The following CCDC191 variants were observed in gnomAD, a reference collection of about 807,000 sequenced individuals.
The protein encoded by CCDC191 is coiled-coil domain-containing protein 191.
A neutral mutation model predicts 114.0 loss-of-function variants in CCDC191; 99 were observed. That is an observed-to-expected ratio of 0.87 (90% confidence interval 0.74 to 1.03). The LOEUF (loss-of-function observed/expected upper bound fraction) is 1.03, where lower values mean the gene tolerates loss of function less well. Among genes scored for constraint, CCDC191 ranks in the 50% least tolerant of loss-of-function variants. The pLI is 0.00. For missense variants in CCDC191, 973 were observed against 1,087.0 expected (o/e 0.90, Z 1.47); for synonymous variants, 351 against 376.0 (o/e 0.93, Z 0.77).
At chr3:114,021,136 A>C (rs943592973) in intron 7 of CCDC191, among the ~76,000 whole-genome samples, 2 of 152,098 alleles carry the variant, frequency 1.3e-5, no homozygotes, top group Admixed American at 6.6e-5. Flanking sequence ...AGAAAGGCAC[A>C]TTTTTTGCTG....
At chr3:114,000,846 G>A (rs2075842440) in intron 13 of CCDC191, among the ~76,000 whole-genome samples, 1 of 151,488 alleles carries the variant, frequency 6.6e-6, no homozygotes. Flanking sequence ...TCGAGGCAGG[G>A]TCTTAACATC....
At chr3:113,976,293 C>CAA (rs1242916401) in intron 16 of CCDC191, among the ~76,000 whole-genome samples, 1 of 150,512 alleles carries the variant, frequency 6.6e-6, no homozygotes, top group Non-Finnish European at 1.5e-5. Flanking sequence ...AACACAAAAA[C>CAA]AAACAAAAAA....
At chr3:114,040,207 T>C (rs2076542114) in intron 4 of CCDC191, among the ~76,000 whole-genome samples, 1 of 152,228 alleles carries the variant, frequency 6.6e-6, no homozygotes, top group African/African-American at 2.4e-5. Context: ...CTAGGAGCAA[T>C]AGCCTATCTC....
chr3:114,004,178 C>T (rs2075904222), intron 11 of CCDC191: 1 of 963,236 alleles, frequency 1.0e-6, no homozygotes, highest in Non-Finnish European at 1.2e-6. Flanking sequence ...GGTTTTATTA[C>T]TAAAATCCTA....
chr3:114,024,953 C>G (rs973899856), intron 7 of CCDC191, among the ~76,000 whole-genome samples: 1 of 152,102 alleles, frequency 6.6e-6, no homozygotes, highest in Non-Finnish European at 1.5e-5. Context: ...CAATCCTATT[C>G]CTGATTTTCA....
chr3:114,015,174 G>A (rs749077924), intron 8 of CCDC191, among the ~76,000 whole-genome samples: 46 of 152,116 alleles, frequency 3.0e-4, no homozygotes, highest in Non-Finnish European at 5.4e-4. Flanking sequence ...AATGTCCCGG[G>A]AGGGATAACA....
rs769208091 is a variant in CCDC191, at chr3:114,035,123, TC to T, written c.619del (p.Glu207ArgfsTer9). ...KQVKENRLRR[E>X]KELEYQRIEK... ...TATTCTCTGGTACTCCAGTTCTTTC[TC>T]ACGTCTTAAGCGATTTTCTTTTACC... On this transcript the variant is annotated frameshift_variant, in exon 6 of 17. Coordinates refer to ENST00000295878, the MANE Select transcript of CCDC191 (RefSeq NM_020817.2). LOFTEE classifies it high-confidence loss of function. 6.2e-7 allele frequency: 1 copy of T among 1,613,916 alleles called. No homozygotes were observed. Among genetic ancestry groups the T allele is most frequent in the African/African-American group, 1.3e-5 (1 of 74,996 alleles).
At chr3:113,965,523 AAAAT>A (rs1351787930) in intron 16 of CCDC191, 164 bp from the exon 17 acceptor site, 31 of 409,896 alleles carry the variant, frequency 7.6e-5, no homozygotes, top group Non-Finnish European at 1.3e-4. Context: ...TGCTGTGAAA[AAAAT>A]AAGGCAACAA....
intron 6 of CCDC191, among the ~76,000 whole-genome samples, chr3:114,033,669 T>C (rs1248407953): frequency 6.6e-6 from 1 of 152,244 alleles, no homozygotes; most frequent in Non-Finnish European, 1.5e-5. Context: ...TAAACGTTAC[T>C]TGTTTTCACA....
chr3:113,972,351 G>A (rs1257604504), intron 16 of CCDC191, among the ~76,000 whole-genome samples: 1 of 151,994 alleles, frequency 6.6e-6, no homozygotes, highest in Non-Finnish European at 1.5e-5. Flanking sequence ...TTGTTCAGGA[G>A]CATGTTGTTT....
chr3:114,045,488 C>T (rs1312742000), intron 3 of CCDC191, among the ~76,000 whole-genome samples: 1 of 152,194 alleles, frequency 6.6e-6, no homozygotes, highest in Non-Finnish European at 1.5e-5. Flanking sequence ...TCTCCTGCTT[C>T]AGCCTCCCAA....
chr3:113,982,815 T>G (rs2075207606), intron 13 of CCDC191, among the ~76,000 whole-genome samples: 1 of 148,068 alleles, frequency 6.8e-6, no homozygotes, highest in African/African-American at 2.5e-5. Flanking sequence ...CCTATCAGTA[T>G]GCAAATATGT....
At chr3:114,049,485 G>A (rs191019612) in intron 2 of CCDC191, among the ~76,000 whole-genome samples, 18 of 152,248 alleles carry the variant, frequency 1.2e-4, no homozygotes, top group Admixed American at 3.9e-4. Context: ...AAACAGATTC[G>A]TAGACTTGAC....
intron 2 of CCDC191, among the ~76,000 whole-genome samples, chr3:114,051,544 A>G (rs2076698046): frequency 6.6e-6 from 1 of 152,248 alleles, no homozygotes; most frequent in African/African-American, 2.4e-5. Flanking sequence ...CCTGGGCAAC[A>G]TAGTGAAACC....
chr3:113,974,976 G>T (rs1941187443), intron 16 of CCDC191, among the ~76,000 whole-genome samples: 1 of 152,170 alleles, frequency 6.6e-6, no homozygotes, highest in Non-Finnish European at 1.5e-5. Context: ...ATAATTACAT[G>T]TGGGTGTATT....
intron 4 of CCDC191, among the ~76,000 whole-genome samples, chr3:114,039,025 TTAAAA>T (rs1161238033): frequency 2.0e-5 from 3 of 152,134 alleles, no homozygotes; most frequent in Middle Eastern, 3.4e-3. Flanking sequence ...TACCCTGGAC[TTAAAA>T]TAAAAGTTAA....
At chr3:114,006,137 A>G in intron 9 of CCDC191, 175 bp from the exon 10 acceptor site, 2 of 689,796 alleles carry the variant, frequency 2.9e-6, no homozygotes, top group Non-Finnish European at 5.3e-6. Context: ...TAAAACATGC[A>G]TTGCTGCTCA....
intron 13 of CCDC191, among the ~76,000 whole-genome samples, chr3:113,994,482 C>T (rs2075662848): frequency 6.6e-6 from 1 of 151,880 alleles, no homozygotes; most frequent in African/African-American, 2.4e-5. Context: ...TAGAATTTGG[C>T]AATTACCTAT....
intron 7 of CCDC191, among the ~76,000 whole-genome samples, chr3:114,025,809 C>A (rs1460273502): frequency 1.3e-5 from 2 of 152,104 alleles, no homozygotes; most frequent in Admixed American, 1.3e-4. Flanking sequence ...TGTTACCTGC[C>A]CACCCTTCAT....
Sources: allele counts gnomAD v4.1 joint callset (sites outside exome capture counted in the v4.1 genomes callset), GRCh38; gene constraint gnomAD v4.1.1; transcripts MANE v1.5; gene names NCBI Gene and HGNC (gene_info 2026-07-23, HGNC 2026-07-21).